Variants in DOCK3 observed in about 807,000 individuals in gnomAD.
The protein encoded by DOCK3 is dedicator of cytokinesis protein 3.
DOCK3 carries 60 observed loss-of-function variants against 265.6 expected under a neutral mutation model. The ratio of observed to expected loss-of-function variants is 0.23; its 90% CI spans 0.18 to 0.28. The LOEUF (loss-of-function observed/expected upper bound fraction) is 0.28, where lower values mean the gene tolerates loss of function less well. Among genes scored for constraint, DOCK3 ranks in the 10% least tolerant of loss-of-function variants. The pLI, the probability that DOCK3 is intolerant of heterozygous loss-of-function variation, is 1.00. For missense variants in DOCK3, 1,981 were observed against 2,594.3 expected, an observed-to-expected ratio of 0.76 and a Z score of 5.14; for synonymous variants, 881 against 938.0, an observed-to-expected ratio of 0.94 and a Z score of 1.11.
intron 5 of DOCK3, among the ~76,000 whole-genome samples, chr3:50,993,029 C>T (rs1380493402): frequency 6.6e-6 from 1 of 152,204 alleles, no homozygotes; most frequent in Non-Finnish European, 1.5e-5. Context: ...TTAATGATTA[C>T]ACCCTTTAGG....
intron 1 of DOCK3, among the ~76,000 whole-genome samples, chr3:50,684,922 A>G (rs951646948): frequency 1.3e-5 from 2 of 152,176 alleles, no homozygotes; most frequent in African/African-American, 4.8e-5. Context: ...CATTACAGAA[A>G]TGTCAGTAAA....
intron 6 of DOCK3, 97 bp downstream of exon 6, chr3:51,064,693 C>A: frequency 7.0e-7 from 1 of 1,431,692 alleles, no homozygotes; most frequent in South Asian, 1.4e-5. Context: ...TTTAATGATT[C>A]AAAGGCAATG....
At chr3:50,949,051 G>A (rs761309612) in intron 5 of DOCK3, among the ~76,000 whole-genome samples, 1 of 152,110 alleles carries the variant, frequency 6.6e-6, no homozygotes, top group Non-Finnish European at 1.5e-5. Context: ...AGGAAAAAAT[G>A]AACCCTGTTC....
At chr3:51,205,125 C>T (rs1267761794) in intron 12 of DOCK3, among the ~76,000 whole-genome samples, 1 of 151,578 alleles carries the variant, frequency 6.6e-6, no homozygotes, top group Admixed American at 6.6e-5. Context: ...ATGTAACTTA[C>T]CTGCACATTG....
chr3:51,378,723 G>A (rs1231812845), intron 51 of DOCK3, among the ~76,000 whole-genome samples: 1 of 152,190 alleles, frequency 6.6e-6, no homozygotes, highest in African/African-American at 2.4e-5. Context: ...CAGACCCCAA[G>A]GTCCAGCCAT....
chr3:50,793,484 G>A (rs904837145), intron 2 of DOCK3, among the ~76,000 whole-genome samples: 8 of 149,816 alleles, frequency 5.3e-5, no homozygotes, highest in African/African-American at 1.7e-4. Flanking sequence ...TCAGCCTCCC[G>A]TAGGTGGGAT....
rs1451679664 is a variant in DOCK3 at position 51,374,256 on chromosome 3, G to A, written c.5294-213G>A. On this transcript the variant is annotated intron_variant, in intron 49 of 52. Transcript: ENST00000266037. This position sits in a 1 kb window ranked among gnomAD's most constrained non-coding sequence, Gnocchi z 4.8. ...CAGCGGATCTGCATCTCACCAGCCT[G>A]CTGTATGTCAGCCTTGGCTGGGACA... Among the ~76,000 whole-genome samples the A allele has an allele frequency of 6.6e-6, 1 of 152,186 alleles. No individual in the cohort carries two copies. Among genetic ancestry groups the A allele is most frequent in the Non-Finnish European group, 1.5e-5 (1 of 68,030 alleles).
At chr3:51,062,403 C>G (rs1037600870) in intron 5 of DOCK3, among the ~76,000 whole-genome samples, 21 of 152,142 alleles carry the variant, frequency 1.4e-4, no homozygotes, top group Admixed American at 1.4e-3. Flanking sequence ...GTTTCTTATG[C>G]CTGAATAATG....
At chr3:50,863,530 G>T in intron 3 of DOCK3, 3 of 487,284 alleles carry the variant, frequency 6.2e-6, no homozygotes, top group Admixed American at 2.1e-5. Context: ...TCCAGGGGTC[G>T]ATCTTTGCTA....
intron 5 of DOCK3, among the ~76,000 whole-genome samples, chr3:50,961,373 C>A (rs904646721): frequency 1.3e-5 from 2 of 151,998 alleles, no homozygotes; most frequent in South Asian, 4.1e-4. Context: ...AGAAAGAATG[C>A]AGTGAGAGGA....
At chr3:51,189,839 T>C (rs1340560018) in intron 12 of DOCK3, among the ~76,000 whole-genome samples, 1 of 152,224 alleles carries the variant, frequency 6.6e-6, no homozygotes, top group Non-Finnish European at 1.5e-5. Flanking sequence ...ATCCCCATAC[T>C]GTTTTCCATA....
At chr3:50,905,975 G>A (rs1207126478) in intron 4 of DOCK3, among the ~76,000 whole-genome samples, 1 of 151,942 alleles carries the variant, frequency 6.6e-6, no homozygotes, top group Admixed American at 6.6e-5. Context: ...AGCATGAAGG[G>A]CTGTTGAATT....
chr3:50,869,887 A>G (rs899111967), intron 3 of DOCK3, among the ~76,000 whole-genome samples: 1 of 152,336 alleles, frequency 6.6e-6, no homozygotes, highest in African/African-American at 2.4e-5. Context: ...TCCACTGGTC[A>G]TTCAAGAGCA....
intron 27 of DOCK3, among the ~76,000 whole-genome samples, chr3:51,309,374 G>A (rs963992260): frequency 6.6e-6 from 1 of 152,216 alleles, no homozygotes; most frequent in Non-Finnish European, 1.5e-5. Context: ...TTGCGGTTAG[G>A]AGCTGGAGAC....
At chr3:50,698,746 T>G (rs541723111) in intron 1 of DOCK3, among the ~76,000 whole-genome samples, 3 of 151,936 alleles carry the variant, frequency 2.0e-5, no homozygotes, top group Non-Finnish European at 4.4e-5. Flanking sequence ...TGGTTTTAAT[T>G]TGCATTTCCC....
intron 22 of DOCK3, among the ~76,000 whole-genome samples, chr3:51,255,435 TCTC>T (rs2079493619): frequency 6.6e-6 from 1 of 152,214 alleles, no homozygotes; most frequent in Non-Finnish European, 1.5e-5. Flanking sequence ...TTGGGGAAGT[TCTC>T]CTGGATAATA....
chr3:51,228,780 A>G lies in DOCK3; in HGVS notation c.1767A>G (p.Lys589=). ...GCCTCATCTTCCAGCGCAGCACCAA[A>G]GAGTCTTTCTTCATCTCCACTCAGC... is the stretch of plus-strand genomic sequence containing the variant. ...PSSLIFQRST[K]ESFFISTQLS... Residue 589 remains lysine, a synonymous_variant, in exon 18 of 53, where the codon AAA becomes AAG. Transcript: ENST00000266037. 1.9e-6 allele frequency: 3 copies of G among 1,613,958 alleles called. No individual in the cohort carries two copies. The highest frequency in any genetic ancestry group is 2.5e-6 in the Non-Finnish European group (3 of 1,179,862).
chr3:51,322,662 T>C (rs891640083), intron 32 of DOCK3, among the ~76,000 whole-genome samples: 6 of 152,086 alleles, frequency 3.9e-5, no homozygotes, highest in African/African-American at 1.4e-4. Context: ...GCACTAAATA[T>C]GGAAAGGAGT....
In DOCK3 at chr3:51,075,383, G is replaced by C. The variant is rs1285866025; in HGVS notation, c.492G>C (p.Arg164=). 2 of 1,611,290 alleles carry C rather than the reference G, an allele frequency of 1.2e-6. No homozygotes were observed. Among genetic ancestry groups the C allele is most frequent in the East Asian group, 4.5e-5 (2 of 44,862 alleles). The change falls in exon 7 of 53, where the codon CGG becomes CGC. Residue 164 remains arginine (R), a synonymous_variant. Transcript: ENST00000266037. ...NEHLGLDLVP[R]KDFEVVDSDQ... ...ATTTGGGCCTGGACCTGGTGCCTCGGAAGGACTTTGAAGTAGTGGACTCGG... is the reference window on the plus strand; with the variant it reads ...ATTTGGGCCTGGACCTGGTGCCTCGCAAGGACTTTGAAGTAGTGGACTCGG...
Sources: allele counts gnomAD v4.1 joint callset (sites outside exome capture counted in the v4.1 genomes callset), GRCh38; gene constraint gnomAD v4.1.1; non-coding constraint Gnocchi (gnomAD v3.1); transcripts MANE v1.5; gene names NCBI Gene and HGNC (gene_info 2026-07-23, HGNC 2026-07-21).